OR4N2: variants seen among roughly 807,000 people sequenced by gnomAD.
OR4N2 encodes the protein olfactory receptor 4N2.
For missense variants in OR4N2, 307 were observed against 377.6 expected (o/e 0.81, Z 1.55); for synonymous variants, 141 against 140.4 (o/e 1.00, Z -0.03).
intron 1 of OR4N2, among the ~76,000 whole-genome samples, chr14:19,825,760 G>A (rs10142266): frequency 6.6e-6 from 1 of 151,860 alleles, no homozygotes; most frequent in East Asian, 1.9e-4. Context: ...GGGTTTCACC[G>A]TGTTAGCCAA....
chr14:19,824,873 A>G (rs921707881), intron 1 of OR4N2, among the ~76,000 whole-genome samples: 3 of 152,276 alleles, frequency 2.0e-5, no homozygotes, highest in African/African-American at 7.2e-5. Flanking sequence ...CTTCAGATCA[A>G]CAATAATCAT....
In OR4N2 at chr14:19,827,601, A is replaced by G. The variant is rs771040511; in HGVS notation, c.153A>G (p.Ser51=). The G allele has an allele frequency of 1.2e-6, 2 of 1,614,192 alleles. No homozygotes were observed. Among genetic ancestry groups the G allele is most frequent in the Middle Eastern group, 1.6e-4 (1 of 6,062 alleles). The change falls in exon 2 of 2, where the codon TCA becomes TCG. Residue 51 remains serine, a synonymous_variant. Coordinates refer to ENST00000557677, the MANE Select transcript of OR4N2 (RefSeq NM_001004723.3). ...TTCTCATTATTTTCACCATAAAGTC[A>G]GACCCTGGGCTCACAGCCCCCCTCT... The part of the protein sequence containing the change: ...GNFLIIFTIK[S]DPGLTAPLYF...
At chr14:19,806,008 T>C (rs1053299797) in intron 1 of OR4N2, among the ~76,000 whole-genome samples, 12 of 152,138 alleles carry the variant, frequency 7.9e-5, no homozygotes, top group African/African-American at 2.9e-4. Context: ...ATAAAATCCT[T>C]CTCAGAAAAT....
In OR4N2 at chr14:19,829,113, T is replaced by C. The variant is rs972006894; in HGVS notation, c.*741T>C. On this transcript the variant is annotated 3_prime_UTR_variant, in exon 2 of 2. Transcript: ENST00000557677. ...ATCATTAAGAGGAAAATATTATATT[T>C]GTAAGTGCACTTTGAAAGATATTAA... is the stretch of plus-strand genomic sequence containing the variant. The C allele has an allele frequency of 2.6e-5, 4 of 152,278 alleles. No individual in the cohort carries two copies. Among genetic ancestry groups the C allele is most frequent in the African/African-American group, 9.6e-5 (4 of 41,472 alleles). 9.4% of individuals were successfully genotyped at this position (152,278 alleles called of 1,614,324 possible).
chr14:19,812,890 A>G (rs755691414), intron 1 of OR4N2, among the ~76,000 whole-genome samples: 1 of 152,384 alleles, frequency 6.6e-6, no homozygotes, highest in Non-Finnish European at 1.5e-5. Flanking sequence ...GATAAAAACA[A>G]TATTATTGAA....
intron 1 of OR4N2, among the ~76,000 whole-genome samples, chr14:19,814,846 C>T (rs1420764640): frequency 6.6e-6 from 1 of 152,176 alleles, no homozygotes; most frequent in Non-Finnish European, 1.5e-5. Context: ...GACAGGCCCC[C>T]ATGTGGGATA....
At chr14:19,815,003 A>C (rs1196709870) in intron 1 of OR4N2, among the ~76,000 whole-genome samples, 1 of 152,248 alleles carries the variant, frequency 6.6e-6, no homozygotes, top group African/African-American at 2.4e-5. Flanking sequence ...ACATGAACTC[A>C]TCCTGTTTTA....
intron 1 of OR4N2, among the ~76,000 whole-genome samples, chr14:19,811,258 T>C (rs1365168587): frequency 6.6e-6 from 1 of 152,226 alleles, no homozygotes; most frequent in East Asian, 1.9e-4. Context: ...TTTATTTTTA[T>C]TTTTTTGAGA....
intron 1 of OR4N2, among the ~76,000 whole-genome samples, chr14:19,824,658 C>T (rs1300312260): frequency 1.3e-5 from 2 of 152,224 alleles, no homozygotes. Context: ...TTTCCTTCTC[C>T]TCCTCAGCCT....
At chr14:19,810,845 AAGAGAAGCACTATTAGTCCT>A (rs1879278321) in intron 1 of OR4N2, among the ~76,000 whole-genome samples, 1 of 152,262 alleles carries the variant, frequency 6.6e-6, no homozygotes, top group Non-Finnish European at 1.5e-5. Flanking sequence ...TAAGAATAAC[AAGAGAAGCACTATTAGTCCT>A]AAAGAAACTG....
intron 1 of OR4N2, among the ~76,000 whole-genome samples, chr14:19,814,238 A>C (rs1313865557): frequency 1.3e-5 from 2 of 152,212 alleles, no homozygotes; most frequent in Non-Finnish European, 2.9e-5. Context: ...AATGTTTTTC[A>C]TCCTTGTTTT....
intron 1 of OR4N2, among the ~76,000 whole-genome samples, chr14:19,810,685 A>G (rs1482433295): frequency 6.6e-6 from 1 of 152,258 alleles, no homozygotes; most frequent in Non-Finnish European, 1.5e-5. Context: ...AGATAAAAGG[A>G]AAAGAGTCAA....
chr14:19,812,086 A>G (rs1879309664), intron 1 of OR4N2, among the ~76,000 whole-genome samples: 1 of 152,230 alleles, frequency 6.6e-6, no homozygotes, highest in African/African-American at 2.4e-5. Context: ...GGGTTGCAGG[A>G]TACAAGATCA....
intron 1 of OR4N2, among the ~76,000 whole-genome samples, chr14:19,804,320 C>T (rs1686562): frequency 0.082 from 12,258 of 149,628 alleles, 104 homozygotes; most frequent in East Asian, 0.18. Context: ...TTCCAATCTT[C>T]TGATGTAGTT....
intron 1 of OR4N2, among the ~76,000 whole-genome samples, chr14:19,810,415 T>G: frequency 6.6e-6 from 1 of 152,250 alleles, no homozygotes. Flanking sequence ...TCAGCCATTG[T>G]GGAAAGCAGC....
At chr14:19,804,053 T>C (rs1879091911) in intron 1 of OR4N2, among the ~76,000 whole-genome samples, 1 of 152,254 alleles carries the variant, frequency 6.6e-6, no homozygotes, top group Non-Finnish European at 1.5e-5. Context: ...GTTCCCTTTG[T>C]CATTTCTGAC....
Position 19,823,520 on chromosome 14 carries a change from G to A in OR4N2, c.-9-3920G>A, listed in dbSNP as rs189499871. Reference sequence around the variant, plus strand: ...CACATTTCTCACTCTTGTTGGGAAAGAAAATGACAATAAGATTTTCTGGTT... The same window carrying A: ...CACATTTCTCACTCTTGTTGGGAAAAAAAATGACAATAAGATTTTCTGGTT... On this transcript the variant is annotated intron_variant, in intron 1 of 1. Coordinates refer to ENST00000557677, the MANE Select transcript of OR4N2 (RefSeq NM_001004723.3). 2.8e-4 allele frequency among the ~76,000 whole-genome samples: 43 copies of A among 152,346 alleles called. No individual in the cohort carries two copies. In the East Asian group the frequency reaches 8.1e-3, roughly 29 times the overall value.
At position 19,827,538 on chromosome 14, in the gene OR4N2, A is replaced by T; in HGVS notation, c.90A>T (p.Leu30=). Residue 30 remains leucine, a synonymous_variant, in exon 2 of 2, where the codon CTA becomes CTT. Coordinates refer to ENST00000557677, the MANE Select transcript of OR4N2 (RefSeq NM_001004723.3). ...SQDIQLLVFV[L]VLIFYFIILP... is the part of the protein sequence containing the mutation. ...ATATTCAGCTCCTGGTCTTTGTGCTAGTTTTAATATTCTACTTCATCATCC... is the reference window on the plus strand; with the variant it reads ...ATATTCAGCTCCTGGTCTTTGTGCTTGTTTTAATATTCTACTTCATCATCC... The T allele has an allele frequency of 6.2e-7, 1 of 1,614,172 alleles. No individual in the cohort carries two copies. Among genetic ancestry groups the T allele is most frequent in the Admixed American group, 1.7e-5 (1 of 60,028 alleles).
At chr14:19,822,257 CAA>C (rs1228741241) in intron 1 of OR4N2, 8 of 152,170 alleles carry the variant, frequency 5.3e-5, no homozygotes, top group Middle Eastern at 3.2e-3. Flanking sequence ...TCCATAGACT[CAA>C]GAGAATTGAC....
Sources: allele counts gnomAD v4.1 joint callset (sites outside exome capture counted in the v4.1 genomes callset), GRCh38; gene constraint gnomAD v4.1.1; transcripts MANE v1.5; gene names NCBI Gene and HGNC (gene_info 2026-07-23, HGNC 2026-07-21).